The following PEAK1 variants were observed in gnomAD, a reference collection of about 807,000 sequenced individuals.
The protein encoded by PEAK1 is inactive tyrosine-protein kinase PEAK1.
In PEAK1, 54 loss-of-function variants were observed where a neutral mutation model predicts 124.7. The observed-to-expected ratio is 0.43, with a 90% CI of 0.35 to 0.54. PEAK1 has a LOEUF of 0.54. Among genes scored for constraint, PEAK1 ranks in the 20% least tolerant of loss-of-function variants. The pLI is 0.01. For synonymous variants in PEAK1, 719 were observed against 760.0 expected (o/e 0.95, Z 0.89); for missense variants, 2,046 against 2,134.5 (o/e 0.96, Z 0.82).
chr15:77,264,947 A>G (rs2061639104), intron 5 of PEAK1, among the ~76,000 whole-genome samples: 1 of 152,150 alleles, frequency 6.6e-6, no homozygotes, highest in South Asian at 2.1e-4. Flanking sequence ...CAGAAATAAC[A>G]CTGCATATCT....
At chr15:77,379,232 G>A in intron 1 of PEAK1, among the ~76,000 whole-genome samples, 1 of 152,128 alleles carries the variant, frequency 6.6e-6, no homozygotes, top group East Asian at 1.9e-4. Context: ...TCAAAAATCT[G>A]GGGATGTCCA....
chr15:77,213,832 ATTT>A (rs1166677501), intron 6 of PEAK1, among the ~76,000 whole-genome samples: 1 of 152,184 alleles, frequency 6.6e-6, no homozygotes, highest in Non-Finnish European at 1.5e-5. Context: ...CAGTTTGATA[ATTT>A]TTATTATTTG....
chr15:77,357,375 C>T (rs902469078), intron 2 of PEAK1, among the ~76,000 whole-genome samples: 4 of 152,226 alleles, frequency 2.6e-5, no homozygotes, highest in East Asian at 1.9e-4. Context: ...GGGGTGCAAG[C>T]GACTCTCGTG....
At chr15:77,138,695 G>A (rs2053531337) in intron 8 of PEAK1, among the ~76,000 whole-genome samples, 1 of 151,844 alleles carries the variant, frequency 6.6e-6, no homozygotes, top group Non-Finnish European at 1.5e-5. Flanking sequence ...AACCGTGTCT[G>A]TACTAAAAAT....
intron 6 of PEAK1, among the ~76,000 whole-genome samples, chr15:77,213,640 G>T (rs1020310567): frequency 1.3e-5 from 2 of 152,070 alleles, no homozygotes; most frequent in African/African-American, 4.8e-5. Flanking sequence ...AGTGAGCCGA[G>T]ATCGCATCAC....
intron 1 of PEAK1, among the ~76,000 whole-genome samples, chr15:77,379,899 A>G (rs1422877439): frequency 6.6e-6 from 1 of 152,190 alleles, no homozygotes; most frequent in East Asian, 1.9e-4. Flanking sequence ...GGTTTTCAAT[A>G]CTTAATTTGG....
At chr15:77,349,034 G>T in intron 2 of PEAK1, 1 of 923,694 alleles carries the variant, frequency 1.1e-6, no homozygotes, top group Non-Finnish European at 1.3e-6. Flanking sequence ...ATTTTATTCA[G>T]TCAATAATTT....
intron 1 of PEAK1, among the ~76,000 whole-genome samples, chr15:77,406,438 G>T (rs143240604): frequency 6.6e-6 from 1 of 152,260 alleles, no homozygotes; most frequent in East Asian, 1.9e-4. Flanking sequence ...AATGTTTCAG[G>T]ATACAAAATC....
At chr15:77,188,208 C>G (rs1229446460) in intron 6 of PEAK1, among the ~76,000 whole-genome samples, 1 of 152,034 alleles carries the variant, frequency 6.6e-6, no homozygotes, top group Admixed American at 6.5e-5. Flanking sequence ...AAGAAGAAAC[C>G]AAAGTAAAAT....
intron 2 of PEAK1, among the ~76,000 whole-genome samples, chr15:77,361,126 G>A (rs1415639917): frequency 6.6e-6 from 1 of 152,032 alleles, no homozygotes; most frequent in African/African-American, 2.4e-5. Context: ...TCACCCCACA[G>A]GAGATTAATA....
At chr15:77,329,223 T>C (rs2065759230) in intron 2 of PEAK1, among the ~76,000 whole-genome samples, 1 of 152,188 alleles carries the variant, frequency 6.6e-6, no homozygotes, top group South Asian at 2.1e-4. Context: ...CAAAATTTTA[T>C]CTTGTCCTCT....
At chr15:77,139,765 T>C (rs1339036421) in intron 8 of PEAK1, among the ~76,000 whole-genome samples, 3 of 151,872 alleles carry the variant, frequency 2.0e-5, no homozygotes, top group Non-Finnish European at 4.4e-5. Flanking sequence ...TTATAAGTAA[T>C]AGAACAATAT....
chr15:77,415,994 C>G (rs975017543), intron 1 of PEAK1, among the ~76,000 whole-genome samples: 1 of 152,188 alleles, frequency 6.6e-6, no homozygotes, highest in Non-Finnish European at 1.5e-5. Flanking sequence ...TCTCAATTAG[C>G]TACACTTACA....
intron 2 of PEAK1, among the ~76,000 whole-genome samples, chr15:77,292,959 AT>A (rs1478947147): frequency 6.6e-6 from 1 of 152,154 alleles, no homozygotes. Context: ...TGAATGACCT[AT>A]CAGCACTTCA....
At chr15:77,396,648 T>C (rs1185744935) in intron 1 of PEAK1, among the ~76,000 whole-genome samples, 1 of 151,972 alleles carries the variant, frequency 6.6e-6, no homozygotes, top group Non-Finnish European at 1.5e-5. Flanking sequence ...TGAGACAAAA[T>C]AGATTTCAAG....
rs2062776998 is a variant in PEAK1 at position 77,283,558 on chromosome 15, C to T, written c.-275+325G>A. On this transcript the variant is annotated intron_variant, in intron 5 of 9. Transcript: ENST00000682557. ...ACTAAAAAGTTACACAGTTGTAGCT[C>T]TACAACTACAAAGTGGAAATAAAAA... is the stretch of plus-strand genomic sequence containing the variant. Among the ~76,000 whole-genome samples the T allele has an allele frequency of 1.3e-5, 2 of 152,000 alleles. 1 individual carries two copies. The highest frequency in any genetic ancestry group is 4.1e-4 in the South Asian group (2 of 4,820).
At chr15:77,276,477 G>C (rs2152960247) in intron 5 of PEAK1, among the ~76,000 whole-genome samples, 1 of 152,124 alleles carries the variant, frequency 6.6e-6, no homozygotes, top group African/African-American at 2.4e-5. Flanking sequence ...TTAACTCAGA[G>C]TTCTTTAACC....
intron 2 of PEAK1, among the ~76,000 whole-genome samples, chr15:77,312,770 T>C (rs889267125): frequency 1.3e-5 from 2 of 152,232 alleles, no homozygotes; most frequent in Admixed American, 6.5e-5. Flanking sequence ...CATAAGGTTT[T>C]GATTTTTGAT....
chr15:77,296,275 C>T (rs769905930), intron 2 of PEAK1, among the ~76,000 whole-genome samples: 1 of 151,984 alleles, frequency 6.6e-6, no homozygotes, highest in Non-Finnish European at 1.5e-5. Flanking sequence ...TGAATTATTA[C>T]ATATGCCCTG....
Sources: allele counts gnomAD v4.1 joint callset (sites outside exome capture counted in the v4.1 genomes callset), GRCh38; gene constraint gnomAD v4.1.1; transcripts MANE v1.5; gene names NCBI Gene and HGNC (gene_info 2026-07-23, HGNC 2026-07-21).